The following TMEM9 variants were observed in gnomAD, a reference collection of about 807,000 sequenced individuals.
TMEM9 encodes the protein proton-transporting V-type ATPase complex assembly regulator TMEM9.
Under a neutral mutation model 22.8 loss-of-function variants are expected in TMEM9, and 13 were observed. The ratio of observed to expected loss-of-function variants is 0.57; its 90% confidence interval spans 0.37 to 0.91. The LOEUF (loss-of-function observed/expected upper bound fraction) is 0.91. TMEM9 is among the 40% of genes least tolerant of loss of function. The probability of loss-of-function intolerance (pLI) is 0.01; values close to 1 mark genes in which losing one functional copy is unlikely to be tolerated. For synonymous variants in TMEM9, 88 were observed against 93.0 expected (o/e 0.95, Z 0.31); for missense variants, 182 against 238.1 (o/e 0.76, Z 1.55).
intron 4 of TMEM9, among the ~76,000 whole-genome samples, chr1:201,137,191 G>C (rs926936060): frequency 6.6e-6 from 1 of 152,220 alleles, no homozygotes; most frequent in Non-Finnish European, 1.5e-5. Context: ...TGTCAGGCAG[G>C]GGGCATACTG....
Position 201,135,815 on chromosome 1 carries a change from C to A in TMEM9, c.400G>T (p.Asp134Tyr). The change falls in exon 5 of 5, where the codon GAT (aspartate) becomes TAT (tyrosine). Residue 134 changes from aspartate (D) to tyrosine (Y), a missense_variant and splice_region_variant. Asp to Tyr is a radical substitution (Grantham distance 160, BLOSUM62 -3). Transcript: ENST00000367330. ...EQLHNEEENE[D>Y]ARSMAAAAAS... ...GCAGCTGCTGCCATAGAGCGAGCAT[C>A]CTGTAGTGGGAAGAAAAAAAGAGAA... The A allele has an allele frequency of 6.3e-7, 1 of 1,596,720 alleles. No homozygotes were observed. Among genetic ancestry groups the A allele is most frequent in the Non-Finnish European group, 8.5e-7 (1 of 1,172,568 alleles).
chr1:201,168,653 A>G (rs575818561), intron 1 of TMEM9, among the ~76,000 whole-genome samples: 1 of 152,328 alleles, frequency 6.6e-6, no homozygotes, highest in African/African-American at 2.4e-5. Flanking sequence ...TAGGAGGCAG[A>G]GTTTGCAGTT....
chr1:201,170,626 G>C (rs1666187835), intron 1 of TMEM9, among the ~76,000 whole-genome samples: 1 of 152,166 alleles, frequency 6.6e-6, no homozygotes, highest in Non-Finnish European at 1.5e-5. Flanking sequence ...TGTCTGCTAT[G>C]TGTCAAGCCC....
intron 2 of TMEM9, among the ~76,000 whole-genome samples, chr1:201,151,103 T>C (rs1665394358): frequency 6.6e-6 from 1 of 152,138 alleles, no homozygotes; most frequent in African/African-American, 2.4e-5. Flanking sequence ...CCACCTCCCA[T>C]AACATGCCAG....
chr1:201,147,033 C>T (rs1041896892), intron 2 of TMEM9, among the ~76,000 whole-genome samples, 185 bp from the exon 3 acceptor site: 1 of 152,152 alleles, frequency 6.6e-6, no homozygotes, highest in Non-Finnish European at 1.5e-5. Flanking sequence ...CCCACAGCCT[C>T]ACAGCCCATG....
At chr1:201,149,733 A>G (rs989658041) in intron 2 of TMEM9, among the ~76,000 whole-genome samples, 1 of 152,188 alleles carries the variant, frequency 6.6e-6, no homozygotes, top group African/African-American at 2.4e-5. Flanking sequence ...GTGACAGCAA[A>G]GTGAAAATGT....
chr1:201,161,287 T>C (rs752916445), intron 1 of TMEM9, among the ~76,000 whole-genome samples: 1 of 152,058 alleles, frequency 6.6e-6, no homozygotes, highest in Non-Finnish European at 1.5e-5. Context: ...GGAGAATGAG[T>C]GAAAAAAGCA....
At chr1:201,165,806 G>A (rs1001207594) in intron 1 of TMEM9, among the ~76,000 whole-genome samples, 2 of 152,176 alleles carry the variant, frequency 1.3e-5, no homozygotes, top group Admixed American at 6.5e-5. Context: ...GGCCTTGATT[G>A]TAAGCAATTG....
chr1:201,145,949 C>T (rs1664920307), intron 3 of TMEM9, among the ~76,000 whole-genome samples: 1 of 152,166 alleles, frequency 6.6e-6, no homozygotes, highest in African/African-American at 2.4e-5. Context: ...GCAACAGAGT[C>T]AGACCCAGTC....
At chr1:201,161,202 C>T (rs1447643194) in intron 1 of TMEM9, among the ~76,000 whole-genome samples, 1 of 152,128 alleles carries the variant, frequency 6.6e-6, no homozygotes, top group African/African-American at 2.4e-5. Flanking sequence ...TGCATTTTCA[C>T]ATCTGGTTCT....
At chr1:201,137,422 A>T (rs143469599) in intron 4 of TMEM9, among the ~76,000 whole-genome samples, 5 of 152,048 alleles carry the variant, frequency 3.3e-5, no homozygotes, top group African/African-American at 1.2e-4. Context: ...AGTCATTGAG[A>T]CTTTTTTCTG....
chr1:201,136,945 G>T (rs535664640), intron 4 of TMEM9, among the ~76,000 whole-genome samples: 1 of 152,246 alleles, frequency 6.6e-6, no homozygotes, highest in Admixed American at 6.5e-5. Context: ...TGGGGCGAAG[G>T]GGGGTGGTGA....
upstream of TMEM9, among the ~76,000 whole-genome samples, chr1:201,158,296 A>G (rs903833827): frequency 6.6e-6 from 1 of 152,192 alleles, no homozygotes; most frequent in African/African-American, 2.4e-5. Flanking sequence ...GTCAGATAAT[A>G]CATTCGTGTT....
chr1:201,169,908 A>G (rs1045113618), intron 1 of TMEM9, among the ~76,000 whole-genome samples: 1 of 152,196 alleles, frequency 6.6e-6, no homozygotes, highest in Non-Finnish European at 1.5e-5. Flanking sequence ...TGCTGAACAC[A>G]ATCTACTGAA....
intron 1 of TMEM9, among the ~76,000 whole-genome samples, chr1:201,162,530 A>C (rs938795032): frequency 7.0e-6 from 1 of 143,844 alleles, no homozygotes; most frequent in African/African-American, 2.5e-5. Context: ...CTGGACATAC[A>C]TAGGGAAAAA....
chr1:201,150,612 T>C (rs1434677531), intron 2 of TMEM9, among the ~76,000 whole-genome samples: 2 of 152,178 alleles, frequency 1.3e-5, no homozygotes, highest in East Asian at 3.8e-4. Flanking sequence ...ACACAGAGTC[T>C]GTCTATCTAA....
chr1:201,142,480 ATC>A (rs1407159833), intron 4 of TMEM9, among the ~76,000 whole-genome samples: 1 of 152,180 alleles, frequency 6.6e-6, no homozygotes, highest in African/African-American at 2.4e-5. Flanking sequence ...ATTGTGTTAA[ATC>A]TCTCTGTCCC....
At chr1:201,157,805 G>A (rs1665841038), upstream of TMEM9, among the ~76,000 whole-genome samples, 1 of 152,192 alleles carries the variant, frequency 6.6e-6, no homozygotes, top group Non-Finnish European at 1.5e-5. Context: ...AGGGCCAGGG[G>A]AGCCCAGAAT....
chr1:201,156,198 T>C (rs7542768), upstream of TMEM9, among the ~76,000 whole-genome samples: 49,444 of 152,042 alleles, frequency 0.33, 8,683 homozygotes, highest in Admixed American at 0.38. Flanking sequence ...ACTGTCATTC[T>C]GCATTTCTGC....
Sources: gnomAD v4.1 joint callset for allele counts (sites outside exome capture counted in the v4.1 genomes callset) on GRCh38, gnomAD v4.1.1 for gene constraint, MANE v1.5 for transcripts, NCBI Gene and HGNC (gene_info 2026-07-23, HGNC 2026-07-21) for gene names.